Variants in NMBR observed in about 807,000 individuals in gnomAD.
The protein encoded by NMBR is neuromedin-B receptor.
Under a neutral mutation model 20.5 loss-of-function variants are expected in NMBR, and 16 were observed. That is an observed-to-expected ratio of 0.78 (90% CI 0.53 to 1.19). NMBR has a LOEUF of 1.19. Ranked by LOEUF, NMBR falls within the 50% of genes most tolerant of loss-of-function variation. The probability of loss-of-function intolerance (pLI) is 0.00; values close to 1 mark genes in which losing one functional copy is unlikely to be tolerated. For synonymous variants in NMBR, 212 were observed against 196.6 expected (o/e 1.08, Z -0.65); for missense variants, 582 against 499.1 (o/e 1.17, Z -1.58).
At chr6:142,115,621 TG>T (rs376041757) in intron 1 of NMBR, among the ~76,000 whole-genome samples, 53,495 of 151,790 alleles carry the variant, frequency 0.35, 10,674 homozygotes, top group Middle Eastern at 0.52. Context: ...AGGCTAGACC[TG>T]AACTACACTA....
chr6:142,115,932 T>C (rs1478099050), intron 1 of NMBR, among the ~76,000 whole-genome samples: 1 of 152,036 alleles, frequency 6.6e-6, no homozygotes, highest in Non-Finnish European at 1.5e-5. Context: ...TTTCCACGTG[T>C]TGTGGGAGGA....
intron 1 of NMBR, among the ~76,000 whole-genome samples, chr6:142,103,011 G>C (rs1315717784): frequency 6.6e-6 from 1 of 152,134 alleles, no homozygotes; most frequent in Non-Finnish European, 1.5e-5. Flanking sequence ...GAACTTCCTT[G>C]GTTAGCTTTA....
intron 1 of NMBR, among the ~76,000 whole-genome samples, chr6:142,139,000 G>C (rs969451106): frequency 1.3e-5 from 2 of 152,114 alleles, no homozygotes; most frequent in Non-Finnish European, 2.9e-5. Context: ...TGCTCTATCA[G>C]ATGTCTATTT....
chr6:142,117,985 C>T lies in NMBR; in HGVS notation c.-663-28664G>A, dbSNP rs560468861. On this transcript the variant is annotated intron_variant, in intron 1 of 3. Coordinates refer to ENST00000258042, the MANE Select transcript of NMBR (RefSeq NM_002511.4). ...GCACTGACAAAGGTGTAGTATTAAA[C>T]CTGGGCTTTCTGAGTTTGACTCTTG... is the stretch of plus-strand genomic sequence containing the variant. 5.3e-5 allele frequency among the ~76,000 whole-genome samples: 8 copies of T among 151,886 alleles called. No homozygotes were observed. The East Asian group carries it at 1.6e-3, about 30-fold the overall frequency.
intron 1 of NMBR, among the ~76,000 whole-genome samples, chr6:142,113,736 C>G (rs1411638252): frequency 6.6e-6 from 1 of 151,934 alleles, no homozygotes; most frequent in African/African-American, 2.4e-5. Context: ...AGCAGCCTTA[C>G]CAAATTTGGA....
At chr6:142,133,442 AG>A (rs1161242479) in intron 1 of NMBR, among the ~76,000 whole-genome samples, 5 of 152,208 alleles carry the variant, frequency 3.3e-5, no homozygotes, top group African/African-American at 4.8e-5. Context: ...AGAGGAAAAA[AG>A]CTTTAACTAC....
intron 2 of NMBR, among the ~76,000 whole-genome samples, chr6:142,081,872 C>T (rs924295564): frequency 1.3e-5 from 2 of 151,994 alleles, no homozygotes; most frequent in African/African-American, 4.8e-5. Context: ...TAACTGAAAA[C>T]TAAATACTAG....
rs750401666 is a variant in NMBR at position 142,088,489 on chromosome 6, C to G, written c.170G>C (p.Gly57Ala). 11 of 1,613,950 alleles carry G rather than the reference C, an allele frequency of 6.8e-6. No individual in the cohort carries two copies. In the African/African-American group the frequency reaches 1.5e-4, roughly 22 times the overall value. ...PSLYLLIITV[G>A]LLGNIMLVKI... The stretch of plus-strand genomic sequence containing the variant: ...CACCAGCATGATGTTGCCCAGCAAG[C>G]CCACGGTGATGATGAGCAGGTAGAG... The change falls in exon 2 of 4, where the codon GGC becomes GCC. Residue 57 changes from glycine (G) to alanine (A), a missense_variant. Coordinates refer to ENST00000258042, the MANE Select transcript of NMBR (RefSeq NM_002511.4).
intron 1 of NMBR, among the ~76,000 whole-genome samples, chr6:142,106,996 C>T (rs1377431982): frequency 2.6e-5 from 4 of 152,110 alleles, no homozygotes; most frequent in Admixed American, 6.5e-5. Flanking sequence ...CAGTTAAATT[C>T]CAGAAAGGTG....
At chr6:142,140,546 C>T (rs1016604484) in intron 1 of NMBR, among the ~76,000 whole-genome samples, 1 of 152,004 alleles carries the variant, frequency 6.6e-6, no homozygotes, top group African/African-American at 2.4e-5. Context: ...GGTAGTGGAA[C>T]CAAACCCAAA....
chr6:142,137,692 T>G lies in NMBR; in HGVS notation c.-664+9352A>C, dbSNP rs566132081. On this transcript the variant is annotated intron_variant, in intron 1 of 3. Transcript: ENST00000258042. The stretch of plus-strand genomic sequence containing the variant: ...CCATCAATACCTAATTTCTTGAGAG[T>G]TTTTAGCATGAAGCGTTGTTGAATT... Among the ~76,000 whole-genome samples the G allele has an allele frequency of 3.3e-5, 5 of 152,096 alleles. No individual in the cohort carries two copies. The East Asian group carries it at 7.7e-4, about 24-fold the overall frequency.
intron 1 of NMBR, among the ~76,000 whole-genome samples, chr6:142,098,726 G>A (rs1777505879): frequency 6.6e-6 from 1 of 152,100 alleles, no homozygotes; most frequent in Non-Finnish European, 1.5e-5. Flanking sequence ...AGTTTTCCTT[G>A]TCAAGTTGTA....
chr6:142,106,436 T>C (rs186178960), intron 1 of NMBR, among the ~76,000 whole-genome samples: 3 of 152,348 alleles, frequency 2.0e-5, no homozygotes, highest in Admixed American at 6.5e-5. Flanking sequence ...TTTCTAATTA[T>C]ATTTAACTGA....
At chr6:142,100,649 C>T (rs907012861) in intron 1 of NMBR, among the ~76,000 whole-genome samples, 2 of 152,162 alleles carry the variant, frequency 1.3e-5, no homozygotes, top group Middle Eastern at 3.2e-3. Context: ...GGTGGGTTCA[C>T]ACCCAGAGAA....
chr6:142,117,751 C>A (rs947956470), intron 1 of NMBR, among the ~76,000 whole-genome samples: 2 of 151,784 alleles, frequency 1.3e-5, no homozygotes, highest in East Asian at 3.9e-4. Context: ...ATGAAAAAAT[C>A]GTACAAAATA....
chr6:142,129,396 A>G (rs1270259068), intron 1 of NMBR, among the ~76,000 whole-genome samples: 1 of 152,082 alleles, frequency 6.6e-6, no homozygotes, highest in Admixed American at 6.6e-5. Flanking sequence ...AAATTTATAA[A>G]TGTATCCTGG....
At chr6:142,132,304 T>C (rs1459689129) in intron 1 of NMBR, among the ~76,000 whole-genome samples, 2 of 152,188 alleles carry the variant, frequency 1.3e-5, no homozygotes, top group East Asian at 1.9e-4. Context: ...TAAGCAGATA[T>C]GTAAGTCAGA....
intron 1 of NMBR, among the ~76,000 whole-genome samples, chr6:142,139,612 T>C (rs1409325856): frequency 1.3e-5 from 2 of 152,214 alleles, no homozygotes; most frequent in African/African-American, 4.8e-5. Context: ...ATGGCATCTC[T>C]AAGCCACCAA....
intron 1 of NMBR, among the ~76,000 whole-genome samples, chr6:142,102,763 A>G (rs12210273): frequency 1.3e-5 from 2 of 151,982 alleles, no homozygotes. Context: ...CTGGCCCTTC[A>G]TCTTCCATTT....
Sources: allele counts gnomAD v4.1 joint callset (sites outside exome capture counted in the v4.1 genomes callset), GRCh38; gene constraint gnomAD v4.1.1; transcripts MANE v1.5; gene names NCBI Gene and HGNC (gene_info 2026-07-23, HGNC 2026-07-21).